IL1RAP: variants seen among roughly 807,000 people sequenced by gnomAD.
The protein encoded by IL1RAP is interleukin 1 receptor accessory protein.
In IL1RAP, 35 loss-of-function variants were observed where a neutral mutation model predicts 60.7. That is an observed-to-expected ratio of 0.58 (90% CI 0.44 to 0.76). IL1RAP has a LOEUF of 0.76. IL1RAP is among the 30% of genes least tolerant of loss of function. The pLI, the probability that IL1RAP is intolerant of heterozygous loss-of-function variation, is 0.00. For synonymous variants in IL1RAP, 268 were observed against 250.9 expected, an observed-to-expected ratio of 1.07 and a Z score of -0.64; for missense variants, 572 against 693.9, an observed-to-expected ratio of 0.82 and a Z score of 1.97.
downstream of IL1RAP, among the ~76,000 whole-genome samples, chr3:190,652,829 T>C (rs896699709): frequency 6.6e-5 from 10 of 152,234 alleles, no homozygotes; most frequent in African/African-American, 2.2e-4. Flanking sequence ...TTAAGTGACC[T>C]ACTAGAACAT....
intron 1 of IL1RAP, among the ~76,000 whole-genome samples, chr3:190,541,308 A>G (rs1191358797): frequency 6.6e-6 from 1 of 152,148 alleles, no homozygotes; most frequent in African/African-American, 2.4e-5. Context: ...ATTTATATAC[A>G]TTTCAAAGAG....
chr3:190,531,961 G>T (rs894532258), intron 1 of IL1RAP, among the ~76,000 whole-genome samples: 17 of 152,062 alleles, frequency 1.1e-4, no homozygotes, highest in African/African-American at 4.1e-4. Flanking sequence ...CTAGATTGCT[G>T]GGGCCAAAGA....
At chr3:190,538,983 A>G (rs1723706651) in intron 1 of IL1RAP, among the ~76,000 whole-genome samples, 1 of 152,150 alleles carries the variant, frequency 6.6e-6, no homozygotes, top group African/African-American at 2.4e-5. Context: ...TCAATTAAAC[A>G]TCTTTCCTTT....
At chr3:190,640,029 T>G (rs2108845301) in intron 9 of IL1RAP, among the ~76,000 whole-genome samples, 1 of 152,314 alleles carries the variant, frequency 6.6e-6, no homozygotes, top group Admixed American at 6.5e-5. Context: ...TGTAGCTTTG[T>G]ATTTGGCCGA....
At chr3:190,637,856 A>G (rs1022343914) in intron 9 of IL1RAP, among the ~76,000 whole-genome samples, 2 of 151,298 alleles carry the variant, frequency 1.3e-5, no homozygotes, top group Admixed American at 6.6e-5. Flanking sequence ...ATATTCTAGA[A>G]CTCTGTGTAT....
At chr3:190,641,022 A>G (rs545850101) in intron 9 of IL1RAP, among the ~76,000 whole-genome samples, 3 of 151,988 alleles carry the variant, frequency 2.0e-5, no homozygotes, top group East Asian at 3.9e-4. Flanking sequence ...CTGGAGTGCA[A>G]TGGTGCAATC....
Position 190,604,208 on chromosome 3 carries a change from C to G in IL1RAP, c.145C>G (p.Leu49Val). The G allele has an allele frequency of 6.2e-7, 1 of 1,614,112 alleles. No individual in the cohort carries two copies. The highest frequency in any genetic ancestry group is 2.2e-5 in the East Asian group (1 of 44,864). The change falls in exon 4 of 12, where the codon CTC becomes GTC. Residue 49 changes from leucine to valine, a missense_variant. By Grantham distance (32) the Leu-to-Val change is conservative. Transcript: ENST00000447382. ...TGAGCCAGCTCGCATCAAGTGCCCA[C>G]TCTTTGAACACTTCTTGAAATTCAA... The part of the protein sequence containing the change: ...EDEPARIKCP[L>V]FEHFLKFNYS...
intron 5 of IL1RAP, among the ~76,000 whole-genome samples, chr3:190,619,862 G>T (rs1731616708): frequency 6.6e-6 from 1 of 152,106 alleles, no homozygotes; most frequent in Admixed American, 6.6e-5. Context: ...AGTGACTGGA[G>T]TCCCAAATTA....
chr3:190,615,960 A>T (rs909869592), intron 5 of IL1RAP, among the ~76,000 whole-genome samples: 15 of 152,142 alleles, frequency 9.9e-5, no homozygotes, highest in African/African-American at 2.9e-4. Flanking sequence ...TTCTTTACCT[A>T]CACTTCCTAT....
rs529027071 is a variant in IL1RAP at position 190,651,272 on chromosome 3, A to G, written c.*2567A>G. The G allele has an allele frequency of 1.8e-5, 17 of 962,056 alleles. No individual in the cohort carries two copies. The East Asian group carries it at 1.6e-3, about 91-fold the overall frequency. The allele number at this position is 962,056 out of a possible 1,614,324, so 59.6% of individuals were successfully genotyped here. A position where few individuals can be genotyped will look rare whatever the true frequency, so the allele number is the denominator to read the frequency against. Reference sequence around the variant, plus strand: ...AGAGTGTCTAATTACAAAATCATATACGATTTATTTAATTCTCTTCTGTAT... The same window carrying G: ...AGAGTGTCTAATTACAAAATCATATGCGATTTATTTAATTCTCTTCTGTAT... On this transcript the variant is annotated 3_prime_UTR_variant, in exon 12 of 12. Coordinates refer to ENST00000447382, the MANE Select transcript of IL1RAP (RefSeq NM_002182.4).
intron 3 of IL1RAP, among the ~76,000 whole-genome samples, chr3:190,598,490 G>A (rs980708905): frequency 1.1e-4 from 16 of 151,618 alleles, no homozygotes; most frequent in African/African-American, 3.9e-4. Flanking sequence ...ATTACCTAGT[G>A]GATATTTTCT....
At chr3:190,583,323 T>C (rs1282602568) in intron 3 of IL1RAP, among the ~76,000 whole-genome samples, 1 of 152,242 alleles carries the variant, frequency 6.6e-6, no homozygotes, top group Admixed American at 6.5e-5. Context: ...AAGGATATAA[T>C]AAATAGGTAA....
intron 1 of IL1RAP, among the ~76,000 whole-genome samples, chr3:190,522,801 A>T (rs7615368): frequency 0.062 from 9,480 of 152,206 alleles, 654 homozygotes; most frequent in African/African-American, 0.17. Flanking sequence ...ATCTTTCACA[A>T]CAGAATCATG....
At chr3:190,535,598 G>A (rs1308609539) in intron 1 of IL1RAP, among the ~76,000 whole-genome samples, 1 of 152,066 alleles carries the variant, frequency 6.6e-6, no homozygotes, top group African/African-American at 2.4e-5. Flanking sequence ...TCACATTTCT[G>A]ATCACAATAT....
intron 1 of IL1RAP, among the ~76,000 whole-genome samples, chr3:190,539,736 A>G (rs1723767203): frequency 6.6e-6 from 1 of 151,406 alleles, no homozygotes; most frequent in Non-Finnish European, 1.5e-5. Flanking sequence ...TTATAAATAA[A>G]ATAAAATGAA....
chr3:190,647,646 C>A (rs1734107362), intron 11 of IL1RAP, among the ~76,000 whole-genome samples: 2 of 152,090 alleles, frequency 1.3e-5, no homozygotes, highest in East Asian at 1.9e-4. Context: ...GGAGAAAGAT[C>A]CAGCGATTAA....
At chr3:190,541,928 AACTG>A (rs1723967948) in intron 1 of IL1RAP, among the ~76,000 whole-genome samples, 1 of 152,162 alleles carries the variant, frequency 6.6e-6, no homozygotes, top group Non-Finnish European at 1.5e-5. Context: ...TTTCTTGGGA[AACTG>A]ACTGAGAAAA....
chr3:190,566,866 CA>C lies in IL1RAP; in HGVS notation c.64+2515del, dbSNP rs377123156. Among the ~76,000 whole-genome samples the C allele has an allele frequency of 2.6e-3, 399 of 152,294 alleles. 3 individuals carry two copies. The highest frequency in any genetic ancestry group is 9.2e-3 in the African/African-American group (381 of 41,558). ...CTGCACATGAAAGTATTGCCTTTTA[CA>C]AGGCATCTGTGGATGCTGACAGATT... On this transcript the variant is annotated intron_variant, in intron 3 of 11. Transcript: ENST00000447382.
intron 1 of IL1RAP, among the ~76,000 whole-genome samples, chr3:190,552,951 G>A (rs1431581279): frequency 1.3e-5 from 2 of 152,018 alleles, no homozygotes; most frequent in Admixed American, 6.6e-5. Flanking sequence ...CTTAATACTC[G>A]ACAAGTGGCC....
Sources: allele counts gnomAD v4.1 joint callset (sites outside exome capture counted in the v4.1 genomes callset), GRCh38; gene constraint gnomAD v4.1.1; transcripts MANE v1.5; gene names NCBI Gene and HGNC (gene_info 2026-07-23, HGNC 2026-07-21).